SLC4A5: variants seen among roughly 807,000 people sequenced by gnomAD.
SLC4A5 encodes the protein electrogenic sodium bicarbonate cotransporter 4.
In SLC4A5, 96 loss-of-function variants were observed where a neutral mutation model predicts 120.4. That is an observed-to-expected ratio of 0.80 (90% CI 0.68 to 0.94). The LOEUF (loss-of-function observed/expected upper bound fraction) is 0.94. Among genes scored for constraint, SLC4A5 ranks in the 40% least tolerant of loss-of-function variants. The pLI, the probability that SLC4A5 is intolerant of heterozygous loss-of-function variation, is 0.00. For missense variants in SLC4A5, 1,259 were observed against 1,459.5 expected (o/e 0.86, Z 2.24); for synonymous variants, 550 against 571.1 (o/e 0.96, Z 0.53).
chr2:74,219,527 C>T (rs965468063), intron 30 of SLC4A5, among the ~76,000 whole-genome samples: 1 of 152,130 alleles, frequency 6.6e-6, no homozygotes, highest in Non-Finnish European at 1.5e-5. Context: ...ATTTAGTGAT[C>T]TTTGCCTCCA....
At chr2:74,242,381 C>T (rs148571961) in intron 19 of SLC4A5, among the ~76,000 whole-genome samples, 62 of 152,314 alleles carry the variant, frequency 4.1e-4, no homozygotes, top group African/African-American at 1.4e-3. Flanking sequence ...GAATCTTCAC[C>T]GGCCACTGGG....
intron 29 of SLC4A5, among the ~76,000 whole-genome samples, chr2:74,221,987 T>C (rs1694667085): frequency 6.6e-6 from 1 of 152,002 alleles, no homozygotes; most frequent in Non-Finnish European, 1.5e-5. Context: ...AGTAATATAA[T>C]CTCCCAGGAT....
At chr2:74,342,749 C>T (rs966245204) in intron 1 of SLC4A5, among the ~76,000 whole-genome samples, 1 of 152,158 alleles carries the variant, frequency 6.6e-6, no homozygotes, top group Non-Finnish European at 1.5e-5. Context: ...TGCGTTCCTT[C>T]CCTCTCACTC....
intron 1 of SLC4A5, 150 bp downstream of exon 1, chr2:74,343,206 C>T (rs572480535): frequency 2.6e-5 from 4 of 152,306 alleles, no homozygotes; most frequent in Non-Finnish European, 4.4e-5. Context: ...AAGTCTTGTA[C>T]AGGCCTTTAG....
intron 8 of SLC4A5, among the ~76,000 whole-genome samples, chr2:74,272,494 G>A (rs925127119): frequency 1.3e-5 from 2 of 152,102 alleles, no homozygotes; most frequent in Non-Finnish European, 2.9e-5. Flanking sequence ...CAAAAAGTGG[G>A]GTATTAGAGT....
At chr2:74,290,229 T>C (rs1672114521) in intron 7 of SLC4A5, 1 of 985,510 alleles carries the variant, frequency 1.0e-6, no homozygotes, top group African/African-American at 1.7e-5. Context: ...AAACCAGTTC[T>C]GCCTGGGGCA....
chr2:74,280,754 G>C (rs566610656), intron 8 of SLC4A5, among the ~76,000 whole-genome samples: 1 of 151,588 alleles, frequency 6.6e-6, no homozygotes, highest in South Asian at 2.1e-4. Context: ...GCACGATCTC[G>C]GCTCCCTGCA....
At chr2:74,318,219 A>C (rs1480265982) in intron 5 of SLC4A5, among the ~76,000 whole-genome samples, 1 of 152,256 alleles carries the variant, frequency 6.6e-6, no homozygotes, top group Non-Finnish European at 1.5e-5. Context: ...AAAAGAAAAA[A>C]ACAAATAACC....
intron 20 of SLC4A5, 36 bp downstream of exon 20, chr2:74,241,958 G>A (rs768508866): frequency 9.5e-6 from 15 of 1,581,000 alleles, no homozygotes; most frequent in Non-Finnish European, 1.2e-5. Flanking sequence ...ACAAACAAAA[G>A]CACTCAAATG....
chr2:74,341,122 T>C (rs551585387), intron 2 of SLC4A5, among the ~76,000 whole-genome samples: 2 of 152,140 alleles, frequency 1.3e-5, no homozygotes, highest in East Asian at 1.9e-4. Context: ...CTGGTCAACA[T>C]GGTGAAACCC....
At chr2:74,336,648 CA>C (rs1673498211) in intron 3 of SLC4A5, among the ~76,000 whole-genome samples, 1 of 152,280 alleles carries the variant, frequency 6.6e-6, no homozygotes, top group African/African-American at 2.4e-5. Context: ...ATAATTTGCC[CA>C]AGTTCACACA....
intron 5 of SLC4A5, among the ~76,000 whole-genome samples, chr2:74,327,284 A>T (rs919423301): frequency 3.9e-5 from 6 of 151,988 alleles, no homozygotes; most frequent in African/African-American, 1.5e-4. Context: ...ATATCTAAGA[A>T]CTCTAGACCA....
intron 4 of SLC4A5, among the ~76,000 whole-genome samples, chr2:74,331,844 G>T (rs114405692): frequency 1.2e-3 from 176 of 152,196 alleles, no homozygotes; most frequent in Middle Eastern, 0.01. Flanking sequence ...TGTGCTTGGA[G>T]AATTGGAGCA....
At chr2:74,224,065 C>T (rs1694756065) in intron 28 of SLC4A5, among the ~76,000 whole-genome samples, 2 of 152,188 alleles carry the variant, frequency 1.3e-5, no homozygotes, top group South Asian at 4.1e-4. Context: ...TTTCTTAATT[C>T]CTTCTTAGAA....
rs149515981 is a variant in SLC4A5, at chr2:74,260,143, G to A, written c.812-500C>T. 3.3e-3 allele frequency among the ~76,000 whole-genome samples: 507 copies of A among 152,300 alleles called. 4 individuals are homozygous for A. The highest frequency in any genetic ancestry group is 5.2e-3 in the Non-Finnish European group (351 of 68,016). ...AAGGTGGGCTTCCCATGAGAACAGT[G>A]ATAGCCAATTATTTGAACTGCCCAA... On this transcript the variant is annotated intron_variant, in intron 11 of 30. Transcript: ENST00000394019.
At chr2:74,316,092 C>T (rs974765071) in intron 5 of SLC4A5, among the ~76,000 whole-genome samples, 8 of 151,586 alleles carry the variant, frequency 5.3e-5, no homozygotes, top group African/African-American at 1.9e-4. Flanking sequence ...AAATGACTAC[C>T]CACATGGAAA....
At chr2:74,256,954 A>G (rs1289590158) in intron 12 of SLC4A5, among the ~76,000 whole-genome samples, 1 of 152,118 alleles carries the variant, frequency 6.6e-6, no homozygotes, top group Non-Finnish European at 1.5e-5. Context: ...GCGCCTGTGA[A>G]CATCACAATT....
exon 27 of SLC4A5, chr2:74,227,080 G>T: frequency 1.2e-6 from 2 of 1,614,124 alleles, no homozygotes; most frequent in Non-Finnish European, 1.7e-6. Flanking sequence ...GGAAGGCATG[G>T]TCCGGCTGGT....
chr2:74,307,011 T>C, intron 6 of SLC4A5: 1 of 590,406 alleles, frequency 1.7e-6, no homozygotes, highest in Non-Finnish European at 3.2e-6. Flanking sequence ...ATTGAGCTGC[T>C]CCATCTGCAG....
Sources: allele counts gnomAD v4.1 joint callset (sites outside exome capture counted in the v4.1 genomes callset), GRCh38; gene constraint gnomAD v4.1.1; transcripts MANE v1.5; gene names NCBI Gene and HGNC (gene_info 2026-07-23, HGNC 2026-07-21).